Variants in SYT16 observed in about 807,000 individuals in gnomAD.
The protein encoded by SYT16 is synaptotagmin-16.
A neutral mutation model predicts 61.4 loss-of-function variants in SYT16; 42 were observed. The ratio of observed to expected loss-of-function variants is 0.68; its 90% CI spans 0.53 to 0.89. The LOEUF is 0.89. Ranked by LOEUF, SYT16 falls within the 40% of genes least tolerant of loss-of-function variation. The pLI is 0.00. For missense variants in SYT16, 804 were observed against 807.3 expected (o/e 1.00, Z 0.05); for synonymous variants, 314 against 302.3 (o/e 1.04, Z -0.40).
chr14:62,026,181 A>G (rs2054095716), intron 3 of SYT16, among the ~76,000 whole-genome samples: 1 of 152,182 alleles, frequency 6.6e-6, no homozygotes, highest in South Asian at 2.1e-4. Context: ...CCTTAAGTAT[A>G]GCATGGATCA....
At chr14:62,025,093 T>C (rs75003782) in intron 3 of SYT16, among the ~76,000 whole-genome samples, 9,619 of 152,216 alleles carry the variant, frequency 0.063, 537 homozygotes, top group African/African-American at 0.16. Context: ...CTGCTATAAA[T>C]ATCCGTGTAC....
intron 3 of SYT16, among the ~76,000 whole-genome samples, chr14:62,037,748 G>A (rs746008737): frequency 4.6e-5 from 7 of 152,080 alleles, no homozygotes; most frequent in Non-Finnish European, 7.3e-5. Flanking sequence ...AACATATCTA[G>A]TCCCAAGGGT....
At chr14:61,996,738 G>T (rs1439485021) in intron 3 of SYT16, among the ~76,000 whole-genome samples, 196 bp downstream of exon 3, 1 of 151,982 alleles carries the variant, frequency 6.6e-6, no homozygotes, top group African/African-American at 2.4e-5. Context: ...TCCACGTTTG[G>T]GAGTTCCATA....
intron 1 of SYT16, among the ~76,000 whole-genome samples, chr14:61,911,143 C>CT (rs1054217168): frequency 3.3e-5 from 5 of 152,078 alleles, no homozygotes; most frequent in African/African-American, 4.8e-5. Flanking sequence ...TCTGACAGAT[C>CT]TTTTTTATCC....
intron 1 of SYT16, among the ~76,000 whole-genome samples, chr14:61,817,787 A>AT (rs2140209166): frequency 6.6e-6 from 1 of 152,356 alleles, no homozygotes; most frequent in South Asian, 2.1e-4. Context: ...TAAATTTGAT[A>AT]TTTTTATTGT....
At chr14:61,918,335 C>A (rs1384110949) in intron 1 of SYT16, among the ~76,000 whole-genome samples, 1 of 152,088 alleles carries the variant, frequency 6.6e-6, no homozygotes, top group East Asian at 1.9e-4. Context: ...AAGCATCCCC[C>A]CAGAGCATCC....
chr14:62,057,963 A>G (rs1039200062), intron 3 of SYT16, among the ~76,000 whole-genome samples: 2 of 152,128 alleles, frequency 1.3e-5, no homozygotes, highest in African/African-American at 4.8e-5. Context: ...CCAGGCAACC[A>G]TGGATCTATT....
Position 62,084,222 on chromosome 14 carries a change from T to G in SYT16, c.1461T>G (p.Ser487=), listed in dbSNP as rs2056810195. ...GTGGAGGGTCTCCGCTCAGCCCATCTGCGGTTTCTCACAGTGATAGTACTT... is the reference window on the plus strand; with the variant it reads ...GTGGAGGGTCTCCGCTCAGCCCATCGGCGGTTTCTCACAGTGATAGTACTT... ...ISSGGSPLSP[S]AVSHSDSTSS... is the part of the protein sequence containing the mutation. Residue 487 remains serine (S), a synonymous_variant, in exon 7 of 8, where the codon TCT becomes TCG. Coordinates refer to ENST00000683842, the MANE Select transcript of SYT16 (RefSeq NM_001367656.1). 1.2e-6 allele frequency: 2 copies of G among 1,613,890 alleles called. No homozygotes were observed.
intron 1 of SYT16, among the ~76,000 whole-genome samples, chr14:61,926,610 T>C (rs545169164): frequency 2.0e-5 from 3 of 152,148 alleles, no homozygotes; most frequent in African/African-American, 7.2e-5. Context: ...AGATACTGCT[T>C]TTCTGTATTG....
intron 1 of SYT16, among the ~76,000 whole-genome samples, chr14:61,882,112 A>C (rs781419348): frequency 6.6e-6 from 1 of 152,190 alleles, no homozygotes; most frequent in Admixed American, 6.5e-5. Context: ...TCCACATAGC[A>C]GCCAAAGTGA....
chr14:61,895,261 A>T (rs914799546), intron 1 of SYT16, among the ~76,000 whole-genome samples: 23 of 152,056 alleles, frequency 1.5e-4, no homozygotes, highest in East Asian at 3.9e-4. Context: ...AATTTTTTTT[A>T]AAAAAATCAA....
At chr14:62,010,000 C>T (rs1251454518) in intron 3 of SYT16, among the ~76,000 whole-genome samples, 1 of 152,142 alleles carries the variant, frequency 6.6e-6, no homozygotes, top group African/African-American at 2.4e-5. Context: ...ATTCATTTGA[C>T]ATCCAGTACC....
chr14:61,812,320 C>T (rs2045296328), upstream of SYT16: 6 of 152,420 alleles, frequency 3.9e-5, no homozygotes, highest in African/African-American at 1.4e-4. Flanking sequence ...GTCCCAACCC[C>T]GCTGGTGAGA....
chr14:61,898,044 T>C (rs2048384744), intron 1 of SYT16, among the ~76,000 whole-genome samples: 1 of 152,238 alleles, frequency 6.6e-6, no homozygotes. Flanking sequence ...ACTAGATTAA[T>C]ATTCTGGTTC....
At chr14:62,090,148 T>C (rs550276372) in intron 7 of SYT16, among the ~76,000 whole-genome samples, 32 of 152,374 alleles carry the variant, frequency 2.1e-4, no homozygotes, top group South Asian at 1.4e-3. Flanking sequence ...CATCTTCAGC[T>C]TTGCTATGTC....
chr14:62,073,274 A>G (rs1438102732), intron 4 of SYT16, among the ~76,000 whole-genome samples: 1 of 152,188 alleles, frequency 6.6e-6, no homozygotes, highest in Non-Finnish European at 1.5e-5. Context: ...AGACAATTTT[A>G]TGGGGATAAT....
At chr14:61,835,074 C>CT (rs2046081127) in intron 1 of SYT16, among the ~76,000 whole-genome samples, 1 of 152,032 alleles carries the variant, frequency 6.6e-6, no homozygotes, top group African/African-American at 2.4e-5. Context: ...GCATTGTTTG[C>CT]TGTGATAAGA....
intron 3 of SYT16, among the ~76,000 whole-genome samples, chr14:62,011,910 TATAC>T (rs1566762550): frequency 4.0e-5 from 3 of 74,916 alleles, no homozygotes; most frequent in African/African-American, 2.8e-4. Flanking sequence ...CACACATATA[TATAC>T]ACACACACAC....
chr14:61,903,454 G>C (rs2048593451), intron 1 of SYT16, among the ~76,000 whole-genome samples: 1 of 152,182 alleles, frequency 6.6e-6, no homozygotes, highest in East Asian at 1.9e-4. Flanking sequence ...TCGTGAGATA[G>C]TAACTTGTGA....
Sources: gnomAD v4.1 joint callset for allele counts (sites outside exome capture counted in the v4.1 genomes callset) on GRCh38, gnomAD v4.1.1 for gene constraint, MANE v1.5 for transcripts, NCBI Gene and HGNC (gene_info 2026-07-23, HGNC 2026-07-21) for gene names.